ABCA13: variants seen among roughly 807,000 people sequenced by gnomAD.
ABCA13 encodes ATP-binding cassette sub-family A member 13.
In ABCA13, 476 loss-of-function variants were observed where a neutral mutation model predicts 478.7. That is an observed-to-expected ratio of 0.99 (90% CI 0.92 to 1.07). ABCA13 has a LOEUF of 1.07. ABCA13 is among the 50% of genes least tolerant of loss of function. ABCA13 has a pLI of 0.00. For missense variants in ABCA13, 6,060 were observed against 5,910.6 expected, an observed-to-expected ratio of 1.03 and a Z score of -0.83; for synonymous variants, 2,252 against 2,158.9, an observed-to-expected ratio of 1.04 and a Z score of -1.20.
At chr7:48,238,032 A>G (rs1790228978) in intron 8 of ABCA13, among the ~76,000 whole-genome samples, 1 of 152,238 alleles carries the variant, frequency 6.6e-6, no homozygotes, top group South Asian at 2.1e-4. Flanking sequence ...AGGAACCTAA[A>G]AGTGAACACA....
chr7:48,504,366 G>C (rs573532894), intron 48 of ABCA13, among the ~76,000 whole-genome samples: 1 of 152,246 alleles, frequency 6.6e-6, no homozygotes, highest in South Asian at 2.1e-4. Flanking sequence ...GAGCTGAGCA[G>C]GGATGCACAT....
intron 30 of ABCA13, among the ~76,000 whole-genome samples, chr7:48,351,099 C>G (rs1276320675): frequency 6.6e-6 from 1 of 152,186 alleles, no homozygotes; most frequent in African/African-American, 2.4e-5. Context: ...TGCTTTTACC[C>G]TTTTATAACA....
intron 3 of ABCA13, among the ~76,000 whole-genome samples, chr7:48,216,337 C>A (rs899837360): frequency 6.6e-6 from 1 of 152,048 alleles, no homozygotes. Context: ...ATTTCCCTAG[C>A]GGTTTATGAT....
At chr7:48,644,148 C>G (rs1795285929) in intron 60 of ABCA13, among the ~76,000 whole-genome samples, 1 of 152,102 alleles carries the variant, frequency 6.6e-6, no homozygotes, top group African/African-American at 2.4e-5. Flanking sequence ...CTCTGAGTCA[C>G]CCTATAAAAC....
chr7:48,576,981 A>G (rs1433777892), intron 55 of ABCA13, among the ~76,000 whole-genome samples: 1 of 152,202 alleles, frequency 6.6e-6, no homozygotes, highest in African/African-American at 2.4e-5. Flanking sequence ...TTTCTGGGTA[A>G]CACACACGTT....
chr7:48,398,101 G>A (rs946584156), intron 38 of ABCA13, among the ~76,000 whole-genome samples: 2 of 152,060 alleles, frequency 1.3e-5, no homozygotes, highest in African/African-American at 2.4e-5. Context: ...AATTTGAGTG[G>A]GTACTTAACG....
intron 54 of ABCA13, among the ~76,000 whole-genome samples, chr7:48,525,350 A>G (rs1832816860): frequency 6.6e-6 from 1 of 152,046 alleles, no homozygotes; most frequent in South Asian, 2.1e-4. Context: ...AAAAATCATG[A>G]TTATTATAGT....
At chr7:48,510,805 C>A (rs759131235) in intron 50 of ABCA13, among the ~76,000 whole-genome samples, 1 of 151,944 alleles carries the variant, frequency 6.6e-6, no homozygotes, top group Non-Finnish European at 1.5e-5. Context: ...GAGGGCTCAC[C>A]CAATTGACTT....
intron 3 of ABCA13, among the ~76,000 whole-genome samples, chr7:48,204,548 C>T (rs1784676860): frequency 6.6e-6 from 1 of 152,112 alleles, no homozygotes; most frequent in African/African-American, 2.4e-5. Flanking sequence ...GACATGGAGA[C>T]GTAACAGCAT....
intron 42 of ABCA13, among the ~76,000 whole-genome samples, chr7:48,445,518 A>G (rs1302940712): frequency 6.6e-6 from 1 of 152,012 alleles, no homozygotes; most frequent in Non-Finnish European, 1.5e-5. Context: ...TCTTTACAAC[A>G]GCTCTTCTCC....
intron 59 of ABCA13, among the ~76,000 whole-genome samples, chr7:48,625,911 A>G (rs1210229014): frequency 1.3e-5 from 2 of 152,228 alleles, no homozygotes; most frequent in African/African-American, 2.4e-5. Flanking sequence ...AGTCCTGTTC[A>G]TTCATACACA....
rs1831367650 is a variant in ABCA13, at chr7:48,508,068, A to G, written c.13524+19A>G. The G allele has an allele frequency of 6.2e-7, 1 of 1,613,570 alleles. No individual in the cohort carries two copies. Among genetic ancestry groups the G allele is most frequent in the Admixed American group, 1.7e-5 (1 of 59,994 alleles). ...TGACATGGTAGGATTTGGGAATGAG[A>G]TTCTGTGTGCCTCCACAATAGTGAT... On this transcript the variant is annotated intron_variant, in intron 50 of 61. Coordinates refer to ENST00000435803, the MANE Select transcript of ABCA13 (RefSeq NM_152701.5).
chr7:48,443,726 G>T (rs1256132001), intron 42 of ABCA13, among the ~76,000 whole-genome samples: 3 of 152,060 alleles, frequency 2.0e-5, no homozygotes, highest in African/African-American at 7.2e-5. Context: ...CTTGTGCCAA[G>T]TCAATTTCAA....
intron 1 of ABCA13, among the ~76,000 whole-genome samples, chr7:48,192,642 G>C (rs1244047975): frequency 6.6e-6 from 1 of 152,198 alleles, no homozygotes; most frequent in Non-Finnish European, 1.5e-5. Flanking sequence ...AATAGTTGCT[G>C]TATTGAAGTA....
intron 27 of ABCA13, among the ~76,000 whole-genome samples, chr7:48,330,534 T>A (rs557055301): frequency 6.6e-6 from 1 of 150,544 alleles, no homozygotes; most frequent in African/African-American, 2.5e-5. Context: ...TATCCATCTA[T>A]CCATTTATCC....
chr7:48,201,289 A>C (rs997243592), intron 3 of ABCA13, among the ~76,000 whole-genome samples: 2 of 152,164 alleles, frequency 1.3e-5, no homozygotes, highest in African/African-American at 4.8e-5. Flanking sequence ...TTTCAGGAGG[A>C]GCCAAGATGT....
chr7:48,274,578 G>C lies in ABCA13; in HGVS notation c.4912G>C (p.Val1638Leu). ...TGLGIQLIRD[V>L]FNSLMPVVHH... ...TCTTGGTATTCAACTGATAAGGGATGTGTTCAACTCCTTAATGCCTGTAGT... is the reference window on the plus strand; with the variant it reads ...TCTTGGTATTCAACTGATAAGGGATCTGTTCAACTCCTTAATGCCTGTAGT... Residue 1638 changes from valine to leucine, a missense_variant, in exon 17 of 62, where the codon GTG becomes CTG. Coordinates refer to ENST00000435803, the MANE Select transcript of ABCA13 (RefSeq NM_152701.5). The C allele has an allele frequency of 6.2e-7, 1 of 1,613,920 alleles. No individual in the cohort carries two copies. The highest frequency in any genetic ancestry group is 8.5e-7 in the Non-Finnish European group (1 of 1,179,846).
At chr7:48,247,736 C>T (rs937128326) in intron 13 of ABCA13, among the ~76,000 whole-genome samples, 2 of 152,070 alleles carry the variant, frequency 1.3e-5, no homozygotes, top group South Asian at 4.1e-4. Flanking sequence ...GGCCTTTCAG[C>T]AGGGTAGCCA....
chr7:48,495,984 C>A (rs1830239951), intron 48 of ABCA13, among the ~76,000 whole-genome samples: 1 of 152,004 alleles, frequency 6.6e-6, no homozygotes, highest in African/African-American at 2.4e-5. Context: ...TATTTCCAAC[C>A]TATCTCATTG....
Sources: gnomAD v4.1 joint callset for allele counts (sites outside exome capture counted in the v4.1 genomes callset) on GRCh38, gnomAD v4.1.1 for gene constraint, MANE v1.5 for transcripts, NCBI Gene and HGNC (gene_info 2026-07-23, HGNC 2026-07-21) for gene names.